The following DYNC2LI1 variants were observed in gnomAD, a reference collection of about 807,000 sequenced individuals.
The protein encoded by DYNC2LI1 is cytoplasmic dynein 2 light intermediate chain 1.
A neutral mutation model predicts 51.9 loss-of-function variants in DYNC2LI1; 45 were observed. The ratio of observed to expected loss-of-function variants is 0.87; its 90% confidence interval spans 0.68 to 1.11. The LOEUF (loss-of-function observed/expected upper bound fraction) is 1.11, where lower values mean the gene tolerates loss of function less well. Among genes scored for constraint, DYNC2LI1 ranks in the 50% most tolerant of loss-of-function variants. The probability of loss-of-function intolerance (pLI) is 0.00; values close to 1 mark genes in which losing one functional copy is unlikely to be tolerated. For missense variants in DYNC2LI1, 490 were observed against 417.4 expected (o/e 1.17, Z -1.51); for synonymous variants, 130 against 137.8 (o/e 0.94, Z 0.40).
chr2:43,813,276 A>G (rs748314198), downstream of DYNC2LI1: 1 of 1,613,890 alleles, frequency 6.2e-7, no homozygotes, highest in South Asian at 1.1e-5. Flanking sequence ...GAAGGCACAC[A>G]TTGGATTAGT....
chr2:43,828,067 G>C, the DYNC2LI1 span: 1 of 1,614,108 alleles, frequency 6.2e-7, no homozygotes, highest in Admixed American at 1.7e-5. Flanking sequence ...TTGCCAATCA[G>C]TCGGTCTGCC....
chr2:43,783,602 G>T (rs1433491483), intron 3 of DYNC2LI1, 48 bp downstream of exon 3: 2 of 1,256,198 alleles, frequency 1.6e-6, no homozygotes, highest in South Asian at 3.2e-5. Flanking sequence ...TATTCTAGTT[G>T]TATAGGGCAA....
intron 2 of DYNC2LI1, 115 bp from the exon 3 acceptor site, chr2:43,783,405 G>A: frequency 1.2e-6 from 1 of 816,628 alleles, no homozygotes; most frequent in South Asian, 1.7e-5. Context: ...TTAGTTTCCA[G>A]GTAATTTATC....
chr2:43,820,911 C>A, the DYNC2LI1 span, among the ~76,000 whole-genome samples: 1 of 152,148 alleles, frequency 6.6e-6, no homozygotes, highest in Non-Finnish European at 1.5e-5. Flanking sequence ...ATCTCAGCCT[C>A]CCAAAGTGCT....
At chr2:43,801,851 G>A in intron 10 of DYNC2LI1, 142 bp downstream of exon 10, 1 of 604,620 alleles carries the variant, frequency 1.7e-6, no homozygotes. Context: ...TTGTTTATAT[G>A]CCCAGTATTA....
the DYNC2LI1 span, chr2:43,822,765 C>A: frequency 6.2e-7 from 1 of 1,613,826 alleles, no homozygotes; most frequent in South Asian, 1.1e-5. Flanking sequence ...TCCATGGGAG[C>A]CCGGCCCTGG....
chr2:43,826,437 C>T, the DYNC2LI1 span: 44 of 1,614,062 alleles, frequency 2.7e-5, no homozygotes, highest in Non-Finnish European at 3.4e-5. Flanking sequence ...TCGGTTCCTG[C>T]GAGCCAGTTC....
chr2:43,812,918 G>T (rs1481255337), downstream of DYNC2LI1: 10 of 583,592 alleles, frequency 1.7e-5, no homozygotes, highest in East Asian at 2.0e-4. Flanking sequence ...CCTGCAAGTT[G>T]TAAGAGCAAG....
the DYNC2LI1 span, among the ~76,000 whole-genome samples, chr2:43,821,046 G>A: frequency 3.9e-5 from 6 of 152,190 alleles, no homozygotes; most frequent in Admixed American, 6.5e-5. Context: ...TGGTGATAGC[G>A]TATCTTCAAT....
At chr2:43,827,365 T>C in the DYNC2LI1 span, among the ~76,000 whole-genome samples, 1 of 150,306 alleles carries the variant, frequency 6.7e-6, no homozygotes, top group Admixed American at 6.6e-5. Context: ...GTTAAAAACA[T>C]CTCTCTTATT....
At chr2:43,794,412 G>A in intron 5 of DYNC2LI1, 45 bp from the exon 6 acceptor site, 1 of 1,534,900 alleles carries the variant, frequency 6.5e-7, no homozygotes, top group Non-Finnish European at 8.8e-7. Flanking sequence ...TTTCAAAATG[G>A]TAATTATTTT....
chr2:43,814,538 G>T (rs1052639205), downstream of DYNC2LI1: 1 of 1,609,766 alleles, frequency 6.2e-7, no homozygotes, highest in Non-Finnish European at 8.5e-7. Context: ...AATATTTTTG[G>T]AATGTAAAAT....
the DYNC2LI1 span, among the ~76,000 whole-genome samples, chr2:43,827,181 C>T: frequency 2.6e-5 from 4 of 152,046 alleles, no homozygotes; most frequent in Non-Finnish European, 4.4e-5. Flanking sequence ...AAAAATTAGC[C>T]GGGTGTGGTG....
At chr2:43,815,765 C>A in the DYNC2LI1 span, among the ~76,000 whole-genome samples, 20,292 of 152,060 alleles carry the variant, frequency 0.13, 1,813 homozygotes, top group African/African-American at 0.23. Context: ...CAATAGCCAG[C>A]AACAGCCATT....
At chr2:43,777,508 A>C (rs1386950622) in intron 2 of DYNC2LI1, among the ~76,000 whole-genome samples, 2 of 152,240 alleles carry the variant, frequency 1.3e-5, no homozygotes, top group Non-Finnish European at 2.9e-5. Flanking sequence ...TCCTGCCAGG[A>C]AGGCAAAATG....
At chr2:43,808,270 A>G (rs1428885496) in intron 12 of DYNC2LI1, among the ~76,000 whole-genome samples, 1 of 151,824 alleles carries the variant, frequency 6.6e-6, no homozygotes, top group Non-Finnish European at 1.5e-5. Context: ...AAAGGAAAAA[A>G]AAAAACACAC....
intron 7 of DYNC2LI1, 93 bp from the exon 8 acceptor site, chr2:43,796,625 A>G (rs1674047627): frequency 4.3e-6 from 4 of 925,556 alleles, no homozygotes; most frequent in African/African-American, 3.3e-5. Flanking sequence ...GTTTAAAAAA[A>G]TAAGAAATAA....
At chr2:43,814,646 A>T, downstream of DYNC2LI1, 1 of 998,638 alleles carries the variant, frequency 1.0e-6, no homozygotes, top group East Asian at 2.4e-5. Flanking sequence ...AGTCCTACCA[A>T]ATGAAAAGAA....
the DYNC2LI1 span, chr2:43,824,336 A>C: frequency 1.1e-5 from 18 of 1,614,146 alleles, no homozygotes; most frequent in Non-Finnish European, 1.5e-5. Context: ...TTTATGACAA[A>C]TTGCTGATTT....
Sources: gnomAD v4.1 joint callset for allele counts (sites outside exome capture counted in the v4.1 genomes callset) on GRCh38, gnomAD v4.1.1 for gene constraint, MANE v1.5 for transcripts, NCBI Gene and HGNC (gene_info 2026-07-23, HGNC 2026-07-21) for gene names.